The following CTNND2 variants were observed in gnomAD, a reference collection of about 807,000 sequenced individuals.
The protein encoded by CTNND2 is catenin delta-2.
In CTNND2, 22 loss-of-function variants were observed where a neutral mutation model predicts 144.4. The ratio of observed to expected loss-of-function variants is 0.15; its 90% CI spans 0.11 to 0.22. The LOEUF (loss-of-function observed/expected upper bound fraction) is 0.22. Among genes scored for constraint, CTNND2 ranks in the 10% least tolerant of loss-of-function variants. CTNND2 has a pLI of 1.00. For synonymous variants in CTNND2, 751 were observed against 695.6 expected (o/e 1.08, Z -1.25); for missense variants, 1,353 against 1,618.8 (o/e 0.84, Z 2.82).
intron 7 of CTNND2, among the ~76,000 whole-genome samples, chr5:11,373,189 C>A (rs77823300): frequency 6.6e-6 from 1 of 152,210 alleles, no homozygotes; most frequent in African/African-American, 2.4e-5. Context: ...CCTTAATGAG[C>A]AGGATAGCTG....
intron 2 of CTNND2, among the ~76,000 whole-genome samples, chr5:11,679,490 A>G (rs185127137): frequency 1.3e-5 from 2 of 152,320 alleles, no homozygotes; most frequent in East Asian, 1.9e-4. Context: ...TCTCTGAAAC[A>G]AAGTATGTAA....
Position 11,716,515 on chromosome 5 carries a change from A to G in CTNND2, c.174+15621T>C, listed in dbSNP as rs549302913. On this transcript the variant is annotated intron_variant, in intron 2 of 21. Coordinates refer to ENST00000304623, the MANE Select transcript of CTNND2 (RefSeq NM_001332.4). ...GAAATATTCACATCACAGCCTTGCA[A>G]CCCTTGCATCTACCTAAATATATTA... Among the ~76,000 whole-genome samples the G allele has an allele frequency of 3.3e-5, 5 of 152,258 alleles. No homozygotes were observed. In the East Asian group the frequency reaches 7.7e-4, roughly 24 times the overall value.
chr5:11,215,042 CA>C (rs1368185088), intron 10 of CTNND2, among the ~76,000 whole-genome samples: 50 of 152,198 alleles, frequency 3.3e-4, no homozygotes, highest in African/African-American at 1.1e-3. Context: ...GCTGTGTCCA[CA>C]GGGCTGAGAG....
At chr5:11,896,335 C>T (rs554595899) in intron 1 of CTNND2, among the ~76,000 whole-genome samples, 18 of 152,266 alleles carry the variant, frequency 1.2e-4, no homozygotes, top group Non-Finnish European at 2.4e-4. Context: ...GATATCTCTG[C>T]TAAAAATATG....
intron 7 of CTNND2, among the ~76,000 whole-genome samples, chr5:11,380,074 C>T (rs547920508): frequency 6.6e-6 from 1 of 152,300 alleles, no homozygotes; most frequent in East Asian, 1.9e-4. Flanking sequence ...ATCAAGGAAG[C>T]ATGCCAGGTG....
intron 2 of CTNND2, among the ~76,000 whole-genome samples, chr5:11,702,773 T>C (rs553497234): frequency 6.6e-6 from 1 of 152,384 alleles, no homozygotes; most frequent in Admixed American, 6.5e-5. Context: ...TAGCTCTCTA[T>C]GCAGAGACTG....
At chr5:11,530,567 G>A (rs1001923226) in intron 3 of CTNND2, among the ~76,000 whole-genome samples, 2 of 152,178 alleles carry the variant, frequency 1.3e-5, no homozygotes, top group Non-Finnish European at 2.9e-5. Context: ...AGGACACCAA[G>A]TCCTTTGGAA....
chr5:11,295,336 T>C (rs536196431), intron 9 of CTNND2, among the ~76,000 whole-genome samples: 1 of 152,212 alleles, frequency 6.6e-6, no homozygotes, highest in African/African-American at 2.4e-5. Flanking sequence ...TAAAAGAGGA[T>C]ACAAACAAAT....
intron 3 of CTNND2, among the ~76,000 whole-genome samples, chr5:11,542,679 C>G (rs2150071741): frequency 6.6e-6 from 1 of 152,316 alleles, no homozygotes; most frequent in Middle Eastern, 3.4e-3. Flanking sequence ...GGTCATTATA[C>G]ACTCTTAATT....
Position 11,595,808 on chromosome 5 carries a change from G to A in CTNND2, c.175-30752C>T, listed in dbSNP as rs188887386. Reference sequence around the variant, plus strand: ...CAGTTATCAAATACACAACGACAACGATTGCCAGAAAATTAACTTAGAACA... The same window carrying A: ...CAGTTATCAAATACACAACGACAACAATTGCCAGAAAATTAACTTAGAACA... On this transcript the variant is annotated intron_variant, in intron 2 of 21. Transcript: ENST00000304623. 2.6e-5 allele frequency among the ~76,000 whole-genome samples: 4 copies of A among 152,190 alleles called. No individual in the cohort carries two copies. The East Asian group carries it at 5.8e-4, about 22-fold the overall frequency.
chr5:11,352,360 A>C lies in CTNND2; in HGVS notation c.1373-5733T>G, dbSNP rs553161670. Among the ~76,000 whole-genome samples the C allele has an allele frequency of 7.9e-5, 12 of 152,328 alleles. No homozygotes were observed. In the East Asian group the frequency reaches 2.3e-3, roughly 29 times the overall value. ...AATATGATGTAAAACCCTATCCTTA[A>C]ATAGCTCTCATAGTTTCCTTCTTGT... On this transcript the variant is annotated intron_variant, in intron 8 of 21. Transcript: ENST00000304623.
At chr5:11,092,567 C>T (rs796578079) in intron 15 of CTNND2, among the ~76,000 whole-genome samples, 2 of 152,288 alleles carry the variant, frequency 1.3e-5, no homozygotes, top group African/African-American at 4.8e-5. Context: ...TCTCCTGCTC[C>T]ACAGAGTGGG....
intron 10 of CTNND2, among the ~76,000 whole-genome samples, chr5:11,220,767 G>A (rs1327860480): frequency 6.6e-6 from 1 of 152,298 alleles, no homozygotes; most frequent in East Asian, 1.9e-4. Context: ...CTACAGTTCA[G>A]AGACGTTTTG....
intron 1 of CTNND2, among the ~76,000 whole-genome samples, chr5:11,826,043 T>C (rs1277635006): frequency 6.6e-6 from 1 of 151,990 alleles, no homozygotes; most frequent in Non-Finnish European, 1.5e-5. Flanking sequence ...AATCGAGATA[T>C]ACACAAAGAA....
intron 2 of CTNND2, among the ~76,000 whole-genome samples, chr5:11,568,530 A>C (rs1777304359): frequency 6.6e-6 from 1 of 152,208 alleles, no homozygotes; most frequent in East Asian, 1.9e-4. Context: ...TTGTGAATGG[A>C]AACAAGAAGA....
chr5:11,571,267 G>GA (rs1267256182), intron 2 of CTNND2, among the ~76,000 whole-genome samples: 3 of 152,160 alleles, frequency 2.0e-5, no homozygotes, highest in Non-Finnish European at 4.4e-5. Context: ...CTGTTGGGGT[G>GA]AAAGAGCTGA....
chr5:11,264,555 C>A (rs956796135), intron 9 of CTNND2, among the ~76,000 whole-genome samples: 10 of 152,220 alleles, frequency 6.6e-5, no homozygotes, highest in African/African-American at 2.4e-4. Context: ...TTTCAACTGA[C>A]ACCACATCTC....
At position 11,650,847 on chromosome 5, in the gene CTNND2, T is replaced by C. The variant is rs562350164; in HGVS notation, c.174+81289A>G. Among the ~76,000 whole-genome samples the C allele has an allele frequency of 1.3e-4, 20 of 152,328 alleles. No individual in the cohort carries two copies. In the South Asian group the frequency reaches 3.9e-3, roughly 30 times the overall value. On this transcript the variant is annotated intron_variant, in intron 2 of 21. Transcript: ENST00000304623. ...TGGCCTGGCTGCTTCTATCAGCATA[T>C]GGTTATATGCATGAGCAAATAGATG...
At chr5:11,750,552 A>G (rs1788554853) in intron 1 of CTNND2, among the ~76,000 whole-genome samples, 1 of 151,924 alleles carries the variant, frequency 6.6e-6, no homozygotes, top group Admixed American at 6.6e-5. Flanking sequence ...TTAAAAGAAC[A>G]TGATAGTCTA....
Sources: allele counts gnomAD v4.1 joint callset (sites outside exome capture counted in the v4.1 genomes callset), GRCh38; gene constraint gnomAD v4.1.1; transcripts MANE v1.5; gene names NCBI Gene and HGNC (gene_info 2026-07-23, HGNC 2026-07-21).